The following CIMIP2A variants were observed in gnomAD, a reference collection of about 807,000 sequenced individuals.
CIMIP2A encodes family with sequence similarity 166 member A.
the CIMIP2A span, chr9:137,245,891 G>A: frequency 1.1e-5 from 16 of 1,460,396 alleles, no homozygotes; most frequent in African/African-American, 1.4e-5. Context: ...CAGGTCTCAA[G>A]GGCAGCCCCA....
chr9:137,246,671 G>A, the CIMIP2A span, among the ~76,000 whole-genome samples: 2 of 152,114 alleles, frequency 1.3e-5, no homozygotes, highest in African/African-American at 4.8e-5. Flanking sequence ...GCTGAGGCAG[G>A]AGAATGGCGT....
the CIMIP2A span, among the ~76,000 whole-genome samples, chr9:137,247,141 C>T: frequency 3.9e-5 from 6 of 152,132 alleles, no homozygotes; most frequent in Admixed American, 2.0e-4. Flanking sequence ...CAAAATTAGC[C>T]AGGTGTGGTG....
the CIMIP2A span, chr9:137,251,198 C>T: frequency 1.0e-6 from 1 of 967,992 alleles, no homozygotes; most frequent in South Asian, 1.3e-5. Context: ...GACAATGTGT[C>T]TTCCTCAGGA....
chr9:137,243,915 C>G, the CIMIP2A span: 17 of 1,116,322 alleles, frequency 1.5e-5, no homozygotes, highest in Admixed American at 9.2e-5. Flanking sequence ...GGGGAACTTG[C>G]TTGTTGAAGG....
chr9:137,252,994 G>A, the CIMIP2A span: 1 of 1,573,980 alleles, frequency 6.4e-7, no homozygotes, highest in Non-Finnish European at 8.6e-7. Flanking sequence ...AAGAGGGCTA[G>A]GGATGGGGCA....
At chr9:137,245,159 T>C in the CIMIP2A span, 2 of 1,516,702 alleles carry the variant, frequency 1.3e-6, no homozygotes, top group Admixed American at 2.0e-5. Context: ...TGCCCACATC[T>C]AGCGTCTCCT....
At chr9:137,252,593 C>G in the CIMIP2A span, 1 of 1,435,988 alleles carries the variant, frequency 7.0e-7, no homozygotes, top group Non-Finnish European at 9.3e-7. Context: ...CCAGTGGGGC[C>G]AAAGGGGGGC....
At chr9:137,245,207 G>C in the CIMIP2A span, 2 of 1,581,310 alleles carry the variant, frequency 1.3e-6, no homozygotes, top group Non-Finnish European at 1.7e-6. Context: ...CATCCCTCTG[G>C]CAGTGGTACA....
the CIMIP2A span, chr9:137,243,815 C>T: frequency 6.2e-7 from 1 of 1,612,434 alleles, no homozygotes; most frequent in Non-Finnish European, 8.5e-7. Flanking sequence ...TGCAGCTGAG[C>T]TGGGCTTATG....
the CIMIP2A span, among the ~76,000 whole-genome samples, chr9:137,248,024 G>A: frequency 6.6e-6 from 1 of 152,178 alleles, no homozygotes. Flanking sequence ...CCCCCAGGAG[G>A]CCACCAGCCC....
the CIMIP2A span, chr9:137,245,936 T>C: frequency 2.1e-4 from 243 of 1,165,228 alleles, no homozygotes; most frequent in African/African-American, 3.4e-3. Context: ...CAGATGTGGA[T>C]TCAGCCTGCT....
At chr9:137,246,823 G>A in the CIMIP2A span, among the ~76,000 whole-genome samples, 3 of 152,200 alleles carry the variant, frequency 2.0e-5, no homozygotes, top group African/African-American at 7.2e-5. Flanking sequence ...TTCCCCAGAC[G>A]TAGCTGTTCA....
the CIMIP2A span, among the ~76,000 whole-genome samples, chr9:137,248,860 C>T: frequency 7.2e-5 from 11 of 152,090 alleles, no homozygotes; most frequent in African/African-American, 2.7e-4. Flanking sequence ...AGAACCAGAC[C>T]ATTTCTCACA....
At chr9:137,245,148 C>G in the CIMIP2A span, 1 of 1,590,690 alleles carries the variant, frequency 6.3e-7, no homozygotes, top group Non-Finnish European at 8.5e-7. Context: ...CCGCTGGAAG[C>G]TGCCCACATC....
chr9:137,243,729 C>T, the CIMIP2A span: 5 of 1,614,142 alleles, frequency 3.1e-6, no homozygotes, highest in East Asian at 4.5e-5. Flanking sequence ...TTTGCCCATT[C>T]CTTCCAGTAG....
chr9:137,245,547 G>A, the CIMIP2A span: 40 of 1,613,692 alleles, frequency 2.5e-5, no homozygotes, highest in African/African-American at 4.7e-4. Context: ...AGTTCTTAGA[G>A]GGCTTCAGAC....
the CIMIP2A span, chr9:137,244,648 C>G: frequency 3.0e-5 from 48 of 1,613,726 alleles, no homozygotes; most frequent in Non-Finnish European, 4.1e-5. Context: ...CTACCTGGCT[C>G]TTGTCGAATT....
the CIMIP2A span, chr9:137,245,491 TC>T: frequency 6.2e-7 from 1 of 1,613,794 alleles, no homozygotes; most frequent in Non-Finnish European, 8.5e-7. Context: ...CCCTGGCGGC[TC>T]CTGGGCGTCC....
At chr9:137,252,924 C>CG in the CIMIP2A span, 5 of 1,600,156 alleles carry the variant, frequency 3.1e-6, no homozygotes, top group Non-Finnish European at 4.3e-6. Flanking sequence ...CCGGCCTTCT[C>CG]GATGAGCCGC....
Sources: allele counts gnomAD v4.1 joint callset (sites outside exome capture counted in the v4.1 genomes callset), GRCh38; gene constraint gnomAD v4.1.1; transcripts MANE v1.5; gene names NCBI Gene and HGNC (gene_info 2026-07-23, HGNC 2026-07-21).